DDX60L: variants seen among roughly 807,000 people sequenced by gnomAD.
The protein encoded by DDX60L is DExD/H-box 60 like.
Under a neutral mutation model 211.6 loss-of-function variants are expected in DDX60L, and 191 were observed. The ratio of observed to expected loss-of-function variants is 0.90; its 90% CI spans 0.80 to 1.02. The LOEUF is 1.02. Ranked by LOEUF, DDX60L falls within the 50% of genes least tolerant of loss-of-function variation. The pLI, the probability that DDX60L is intolerant of heterozygous loss-of-function variation, is 0.00. For synonymous variants in DDX60L, 706 were observed against 694.1 expected (o/e 1.02, Z -0.27); for missense variants, 2,007 against 1,984.1 (o/e 1.01, Z -0.22).
chr4:168,384,891 C>T (rs184081438), intron 29 of DDX60L, 79 bp from the exon 30 acceptor site: 118 of 1,359,062 alleles, frequency 8.7e-5, no homozygotes, highest in Non-Finnish European at 2.1e-5. Context: ...TGACTTTACA[C>T]TTGTTATCCG....
At chr4:168,423,202 C>T (rs1357570789) in intron 15 of DDX60L, among the ~76,000 whole-genome samples, 1 of 152,046 alleles carries the variant, frequency 6.6e-6, no homozygotes, top group African/African-American at 2.4e-5. Flanking sequence ...AGTCAAATAG[C>T]AGATATTAAC....
At chr4:168,445,197 A>ACC (rs1754576224) in intron 9 of DDX60L, among the ~76,000 whole-genome samples, 1 of 133,060 alleles carries the variant, frequency 7.5e-6, no homozygotes, top group Non-Finnish European at 1.6e-5. Context: ...TAAAGGGGAT[A>ACC]TCACCACCGA....
chr4:168,448,581 A>G, intron 9 of DDX60L, 57 bp downstream of exon 9: 2 of 1,346,270 alleles, frequency 1.5e-6, no homozygotes, highest in Non-Finnish European at 1.0e-6. Flanking sequence ...TGGAAAATTT[A>G]TAAGGGTTTT....
Position 168,457,565 on chromosome 4 carries a change from G to A in DDX60L, c.723+327C>T, listed in dbSNP as rs146421975. On this transcript the variant is annotated intron_variant, in intron 6 of 37. Transcript: ENST00000682922. ...GTATAATTAATTCCACATTTTGACT[G>A]TTTATATGGCAAATGATATCTTAGA... 2.5e-3 allele frequency among the ~76,000 whole-genome samples: 377 copies of A among 152,154 alleles called. 2 individuals are homozygous for A. Among genetic ancestry groups the A allele is most frequent in the Middle Eastern group, 6.8e-3 (2 of 294 alleles).
rs761707748 is a variant in DDX60L, at chr4:168,427,183, C to T, written c.1817G>A (p.Arg606Lys). 4 of 1,612,440 alleles carry T rather than the reference C, an allele frequency of 2.5e-6. No individual in the cohort carries two copies. The highest frequency in any genetic ancestry group is 3.3e-5 in the Admixed American group (2 of 59,796). ...EMKNNLHSGI[R>K]KLEDYLTSCA... ...TGATGTCAAATAATCTTCCAATTTC[C>T]TTATTCCAGAATGTAAATTGTTCTT... The change falls in exon 14 of 38, where the codon AGG (arginine) becomes AAG (lysine). Residue 606 changes from arginine to lysine, a missense_variant. Coordinates refer to ENST00000682922, the MANE Select transcript of DDX60L (RefSeq NM_001012967.3).
At chr4:168,390,698 T>C (rs1744653526) in intron 29 of DDX60L, among the ~76,000 whole-genome samples, 1 of 151,990 alleles carries the variant, frequency 6.6e-6, no homozygotes, top group African/African-American at 2.4e-5. Flanking sequence ...ACTTACAATA[T>C]ATATCACATA....
intron 19 of DDX60L, 69 bp from the exon 20 acceptor site, chr4:168,416,866 A>G (rs898177918): frequency 7.5e-6 from 6 of 805,178 alleles, no homozygotes; most frequent in Non-Finnish European, 3.9e-6. Flanking sequence ...GAAGCATAAA[A>G]TCATCATGCA....
intron 26 of DDX60L, among the ~76,000 whole-genome samples, chr4:168,399,021 G>A (rs987564581): frequency 8.5e-5 from 13 of 152,172 alleles, no homozygotes; most frequent in Admixed American, 2.0e-4. Context: ...CATCCCACCT[G>A]CAGAGAGAAG....
chr4:168,432,242 TTG>T (rs367842213), intron 12 of DDX60L, among the ~76,000 whole-genome samples: 33 of 147,886 alleles, frequency 2.2e-4, no homozygotes, highest in African/African-American at 4.7e-4. Flanking sequence ...TATATATATA[TTG>T]TGTGTGTGTG....
intron 7 of DDX60L, among the ~76,000 whole-genome samples, chr4:168,455,272 TTGTGTGTG>T (rs34353821): frequency 5.5e-5 from 8 of 144,182 alleles, no homozygotes; most frequent in African/African-American, 1.9e-4. Flanking sequence ...CATACAAACT[TTGTGTGTG>T]TGTGTGTGTG....
chr4:168,361,055 T>C (rs1739026249), intron 37 of DDX60L, 94 bp downstream of exon 37: 6 of 943,306 alleles, frequency 6.4e-6, no homozygotes, highest in Non-Finnish European at 1.0e-5. Flanking sequence ...GAGTGCTCCT[T>C]CATGAGAATC....
At chr4:168,452,990 A>T (rs1328774652) in intron 8 of DDX60L, 134 bp downstream of exon 8, 106 of 938,864 alleles carry the variant, frequency 1.1e-4, no homozygotes, top group Non-Finnish European at 1.6e-4. Flanking sequence ...TACCAAAAAT[A>T]AAAGTTGTTG....
chr4:168,400,310 G>A (rs943978227), intron 26 of DDX60L, among the ~76,000 whole-genome samples: 3 of 152,054 alleles, frequency 2.0e-5, no homozygotes, highest in Admixed American at 1.3e-4. Context: ...TATTGTGAAT[G>A]GTGCTTCAGT....
In DDX60L at chr4:168,358,284, A is replaced by G. The variant is rs757153520; in HGVS notation, c.4992-8T>C. 2.7e-6 allele frequency: 4 copies of G among 1,477,182 alleles called. No individual in the cohort carries two copies. The allele number at this position is 1,477,182 out of a possible 1,614,324, so 91.5% of individuals were successfully genotyped here. ...AGTTCACTCAAGGAGTCACTGTATA[A>G]ATGATAATAATAATAAAAAAATAAT... On this transcript the variant is annotated splice_polypyrimidine_tract_variant and splice_region_variant and intron_variant, in intron 37 of 37. Transcript: ENST00000682922.
At chr4:168,358,815 G>A (rs1738615240) in intron 37 of DDX60L, among the ~76,000 whole-genome samples, 1 of 152,056 alleles carries the variant, frequency 6.6e-6, no homozygotes, top group African/African-American at 2.4e-5. Flanking sequence ...ACCGTGTCCG[G>A]CCACAGTTCC....
chr4:168,442,544 C>T (rs1030906641), intron 9 of DDX60L, among the ~76,000 whole-genome samples: 1 of 152,226 alleles, frequency 6.6e-6, no homozygotes, highest in Non-Finnish European at 1.5e-5. Flanking sequence ...GGAGGCCTGC[C>T]TGCCTCTGTA....
chr4:168,461,280 T>C (rs1182034225), intron 5 of DDX60L, among the ~76,000 whole-genome samples: 1 of 152,148 alleles, frequency 6.6e-6, no homozygotes, highest in Non-Finnish European at 1.5e-5. Context: ...AAGACATTAT[T>C]ATTACTCAAG....
intron 4 of DDX60L, among the ~76,000 whole-genome samples, chr4:168,464,782 T>C (rs947441563): frequency 1.1e-4 from 17 of 152,112 alleles, no homozygotes; most frequent in Non-Finnish European, 2.2e-4. Flanking sequence ...CACCCTATGG[T>C]GCAATAATGT....
chr4:168,421,627 C>A (rs959333031), intron 17 of DDX60L, 133 bp downstream of exon 17: 2 of 1,257,766 alleles, frequency 1.6e-6, no homozygotes, highest in Non-Finnish European at 2.2e-6. Context: ...TGCACTCCAG[C>A]CTGAGTGACA....
Sources: gnomAD v4.1 joint callset for allele counts (sites outside exome capture counted in the v4.1 genomes callset) on GRCh38, gnomAD v4.1.1 for gene constraint, MANE v1.5 for transcripts, NCBI Gene and HGNC (gene_info 2026-07-23, HGNC 2026-07-21) for gene names.